The following HYDIN variants were observed in gnomAD, a reference collection of about 807,000 sequenced individuals.
HYDIN encodes HYDIN axonemal central pair apparatus protein.
HYDIN carries 132 observed loss-of-function variants against 403.9 expected under a neutral mutation model. The ratio of observed to expected loss-of-function variants is 0.33; its 90% CI spans 0.28 to 0.38. HYDIN has a LOEUF of 0.38. Ranked by LOEUF, HYDIN falls within the 10% of genes least tolerant of loss-of-function variation. The pLI, the probability that HYDIN is intolerant of heterozygous loss-of-function variation, is 1.00. For synonymous variants in HYDIN, 1,202 were observed against 1,891.7 expected, an observed-to-expected ratio of 0.64 and a Z score of 9.46; for missense variants, 2,827 against 5,009.5, an observed-to-expected ratio of 0.56 and a Z score of 13.15.
chr16:71,123,958 C>A (rs1047537584), intron 9 of HYDIN, among the ~76,000 whole-genome samples: 1 of 152,142 alleles, frequency 6.6e-6, no homozygotes, highest in African/African-American at 2.4e-5. Context: ...ATTACCCAGT[C>A]TCAGATGTGT....
chr16:70,890,029 A>G (rs1228246698), intron 57 of HYDIN, among the ~76,000 whole-genome samples: 4 of 152,266 alleles, frequency 2.6e-5, no homozygotes, highest in African/African-American at 9.6e-5. Flanking sequence ...GTGGATGTCA[A>G]ATGTTTTACT....
At chr16:71,174,461 C>A (rs928680594) in intron 5 of HYDIN, among the ~76,000 whole-genome samples, 1 of 152,146 alleles carries the variant, frequency 6.6e-6, no homozygotes, top group East Asian at 1.9e-4. Flanking sequence ...GATAAGCATG[C>A]CTGCTATTAA....
intron 18 of HYDIN, among the ~76,000 whole-genome samples, chr16:71,055,851 G>A (rs1222163881): frequency 1.3e-5 from 2 of 152,064 alleles, no homozygotes; most frequent in African/African-American, 4.8e-5. Flanking sequence ...AGAGCCAAGA[G>A]CAAAAAGAAA....
At chr16:70,949,620 A>G (rs979731027) in intron 41 of HYDIN, among the ~76,000 whole-genome samples, 2 of 152,194 alleles carry the variant, frequency 1.3e-5, no homozygotes, top group Non-Finnish European at 2.9e-5. Flanking sequence ...CATGACTGAA[A>G]TATCAGTCAT....
intron 55 of HYDIN, among the ~76,000 whole-genome samples, chr16:70,892,938 G>T (rs1453217395): frequency 2.0e-5 from 3 of 152,194 alleles, no homozygotes; most frequent in African/African-American, 7.2e-5. Flanking sequence ...GGGGGCAGGG[G>T]TCCTGTAACA....
At chr16:70,850,812 C>T (rs1308937335) in intron 73 of HYDIN, among the ~76,000 whole-genome samples, 157 bp from the exon 74 acceptor site, 1 of 152,210 alleles carries the variant, frequency 6.6e-6, no homozygotes, top group Non-Finnish European at 1.5e-5. Flanking sequence ...ACCAAAACAG[C>T]GTGGTACTGG....
Position 71,219,611 on chromosome 16 carries a change from T to C in HYDIN, c.-24+10951A>G, listed in dbSNP as rs575073389. Among the ~76,000 whole-genome samples the C allele has an allele frequency of 2.4e-3, 365 of 152,320 alleles. 1 individual carries two copies. The highest frequency in any genetic ancestry group is 6.8e-3 in the Middle Eastern group (2 of 294). On this transcript the variant is annotated intron_variant, in intron 1 of 85. Coordinates refer to ENST00000393567, the MANE Select transcript of HYDIN (RefSeq NM_001270974.2). The stretch of plus-strand genomic sequence containing the variant: ...TTTTTAAAAGTCCACTTTTCCTCCA[T>C]ACCACCTCAAGGGATAAATATGACC...
chr16:70,802,119 A>G lies in HYDIN; in HGVS notation c.*5461T>C, dbSNP rs1330460814. ...CTTTTCTTTAATGAATGAAAAGTGC[A>G]TATATAGGCCTTATAACAGTCTTGA... On this transcript the variant is annotated 3_prime_UTR_variant, in exon 86 of 86. Coordinates refer to ENST00000393567, the MANE Select transcript of HYDIN (RefSeq NM_001270974.2). The G allele has an allele frequency of 6.6e-6, 1 of 152,246 alleles. No individual in the cohort carries two copies. Among genetic ancestry groups the G allele is most frequent in the Non-Finnish European group, 1.5e-5 (1 of 68,048 alleles). The allele number at this position is 152,246 out of a possible 1,614,324, so 9.4% of individuals were successfully genotyped here. A position where few individuals can be genotyped will look rare whatever the true frequency, so the allele number is the denominator to read the frequency against.
At position 71,036,943 on chromosome 16, in the gene HYDIN, T is replaced by C. The variant is rs2081108500; in HGVS notation, c.2530-5026A>G. On this transcript the variant is annotated intron_variant, in intron 18 of 85. Transcript: ENST00000393567. ...GACTAAAAAAGGAAAGGACGAATGA[T>C]AATCATCATAGCTATGGAGGGCATT... Among the ~76,000 whole-genome samples the C allele has an allele frequency of 4.1e-5, 6 of 147,526 alleles. No individual in the cohort carries two copies. In the South Asian group the frequency reaches 1.1e-3, roughly 26 times the overall value.
intron 83 of HYDIN, among the ~76,000 whole-genome samples, chr16:70,819,444 G>A (rs1365692818): frequency 6.0e-5 from 9 of 149,478 alleles, no homozygotes; most frequent in South Asian, 4.3e-4. Flanking sequence ...CTGAGGCTTC[G>A]CAAACTCAAG....
At chr16:70,938,340 C>T (rs2077560744) in intron 44 of HYDIN, among the ~76,000 whole-genome samples, 1 of 152,240 alleles carries the variant, frequency 6.6e-6, no homozygotes, top group Non-Finnish European at 1.5e-5. Context: ...GGCCAGTGGC[C>T]CCTCTTCCAG....
At chr16:71,114,222 C>T (rs902048347) in intron 10 of HYDIN, among the ~76,000 whole-genome samples, 23 of 152,076 alleles carry the variant, frequency 1.5e-4, no homozygotes, top group East Asian at 7.7e-4. Context: ...GATCCACTGA[C>T]GCTTTTACCT....
intron 44 of HYDIN, among the ~76,000 whole-genome samples, chr16:70,938,282 G>A (rs1181826717): frequency 6.6e-6 from 1 of 152,228 alleles, no homozygotes; most frequent in African/African-American, 2.4e-5. Context: ...AGCCACACGC[G>A]GGGGTGCTGG....
intron 10 of HYDIN, among the ~76,000 whole-genome samples, chr16:71,114,733 C>T (rs374263281): frequency 7.8e-6 from 1 of 127,960 alleles, no homozygotes; most frequent in Non-Finnish European, 1.6e-5. Flanking sequence ...AATTCCATTC[C>T]AATTTCAAAG....
intron 1 of HYDIN, among the ~76,000 whole-genome samples, chr16:71,215,666 G>C (rs996396841): frequency 3.3e-5 from 5 of 151,656 alleles, no homozygotes; most frequent in African/African-American, 9.7e-5. Context: ...CCAGGAGTTT[G>C]AAACACCATA....
At chr16:70,845,063 AC>A (rs2038105844) in intron 75 of HYDIN, among the ~76,000 whole-genome samples, 1 of 44,310 alleles carries the variant, frequency 2.3e-5, no homozygotes, top group Non-Finnish European at 3.8e-5. Context: ...CCTGGCCAGA[AC>A]TTCCAACACT....
chr16:70,892,469 T>C lies in HYDIN; in HGVS notation c.9309A>G (p.Gln3103=). The change falls in exon 56 of 86, where the codon CAA becomes CAG. Residue 3103 remains glutamine, a synonymous_variant. Coordinates refer to ENST00000393567, the MANE Select transcript of HYDIN (RefSeq NM_001270974.2). ...TPNINSMISV[Q]PKKGSLTPTE... is the part of the protein sequence containing the mutation. The stretch of plus-strand genomic sequence containing the variant: ...TTGGGGTCAGTGAACCCTTTTTGGG[T>C]TGGACTGAGATCATGGAATTTATAT... 1.3e-6 allele frequency: 2 copies of C among 1,599,902 alleles called. No homozygotes were observed. Among genetic ancestry groups the C allele is most frequent in the South Asian group, 2.3e-5 (2 of 88,642 alleles).
At chr16:71,153,823 T>A (rs1236664150) in intron 6 of HYDIN, among the ~76,000 whole-genome samples, 1 of 151,644 alleles carries the variant, frequency 6.6e-6, no homozygotes, top group African/African-American at 2.4e-5. Flanking sequence ...CAGGAAATAG[T>A]TTAATTGTTT....
intron 1 of HYDIN, among the ~76,000 whole-genome samples, chr16:71,210,904 T>C (rs1232481519): frequency 6.6e-6 from 1 of 152,118 alleles, no homozygotes; most frequent in African/African-American, 2.4e-5. Context: ...ATGTATATTA[T>C]ATGATAAAGC....
Sources: allele counts gnomAD v4.1 joint callset (sites outside exome capture counted in the v4.1 genomes callset), GRCh38; gene constraint gnomAD v4.1.1; transcripts MANE v1.5; gene names NCBI Gene and HGNC (gene_info 2026-07-23, HGNC 2026-07-21).